Variants in LRMDA observed in about 807,000 individuals in gnomAD.
LRMDA encodes the protein leucine rich melanocyte differentiation associated.
LRMDA carries 18 observed loss-of-function variants against 29.8 expected under a neutral mutation model. The ratio of observed to expected loss-of-function variants is 0.60; its 90% confidence interval spans 0.42 to 0.90. LRMDA has a LOEUF of 0.90. LRMDA is among the 40% of genes least tolerant of loss of function. The pLI, the probability that LRMDA is intolerant of heterozygous loss-of-function variation, is 0.00. For synonymous variants in LRMDA, 125 were observed against 109.4 expected (o/e 1.14, Z -0.89); for missense variants, 273 against 273.9 (o/e 1.00, Z 0.02).
chr10:76,221,120 C>G (rs1851825748), intron 5 of LRMDA, among the ~76,000 whole-genome samples: 1 of 151,934 alleles, frequency 6.6e-6, no homozygotes, highest in Admixed American at 6.6e-5. Flanking sequence ...TGGGACGTAT[C>G]TCAAAATAAT....
chr10:76,476,141 A>G (rs928958906), intron 6 of LRMDA, among the ~76,000 whole-genome samples: 1 of 152,164 alleles, frequency 6.6e-6, no homozygotes, highest in Non-Finnish European at 1.5e-5. Context: ...AACAAAACTG[A>G]TAGACCGCTA....
intron 2 of LRMDA, among the ~76,000 whole-genome samples, chr10:75,736,521 G>A (rs544873808): frequency 3.3e-5 from 5 of 152,176 alleles, no homozygotes; most frequent in Non-Finnish European, 7.4e-5. Flanking sequence ...TGTGAATACT[G>A]TTTATTGGAG....
chr10:76,366,300 G>A (rs927212679), intron 6 of LRMDA, among the ~76,000 whole-genome samples: 19 of 151,990 alleles, frequency 1.3e-4, no homozygotes, highest in African/African-American at 4.6e-4. Context: ...ATTCTGATGG[G>A]GATTGTGTTG....
chr10:76,080,611 G>A (rs1025771848), intron 5 of LRMDA, among the ~76,000 whole-genome samples: 14 of 152,192 alleles, frequency 9.2e-5, no homozygotes, highest in African/African-American at 2.4e-4. Context: ...ACACCACAAG[G>A]CCACTGTCCA....
intron 2 of LRMDA, chr10:75,552,584 T>G: frequency 2.1e-6 from 1 of 478,318 alleles, no homozygotes; most frequent in Non-Finnish European, 4.4e-6. Flanking sequence ...CTTGGGATTT[T>G]CTGAGGTTCT....
chr10:76,241,221 A>T (rs1852272735), intron 5 of LRMDA, among the ~76,000 whole-genome samples: 1 of 152,166 alleles, frequency 6.6e-6, no homozygotes, highest in African/African-American at 2.4e-5. Flanking sequence ...GACCTTATTC[A>T]TGTAACCAAA....
intron 4 of LRMDA, among the ~76,000 whole-genome samples, chr10:76,054,909 C>G (rs1407790008): frequency 6.6e-6 from 1 of 150,744 alleles, no homozygotes; most frequent in Admixed American, 6.6e-5. Context: ...ACTAAAAATA[C>G]AAAAATAAGC....
At chr10:75,685,650 G>T (rs1368461986) in intron 2 of LRMDA, among the ~76,000 whole-genome samples, 1 of 152,150 alleles carries the variant, frequency 6.6e-6, no homozygotes, top group African/African-American at 2.4e-5. Context: ...AAGTCCAGGG[G>T]ACAAAGAGAT....
At chr10:75,578,236 A>AAAAAAAAAAAAC (rs1840535737) in intron 2 of LRMDA, among the ~76,000 whole-genome samples, 1 of 148,386 alleles carries the variant, frequency 6.7e-6, no homozygotes, top group African/African-American at 2.4e-5. Context: ...AAAAAAAAAA[A>AAAAAAAAAAAAC]AAAGCAGCAG....
At chr10:76,368,349 G>GGT (rs1271711678) in intron 6 of LRMDA, among the ~76,000 whole-genome samples, 2 of 151,944 alleles carry the variant, frequency 1.3e-5, no homozygotes, top group African/African-American at 4.8e-5. Context: ...TTTTGATTTC[G>GGT]TTTTTGACCC....
chr10:76,287,235 G>T (rs1461379458), intron 5 of LRMDA, among the ~76,000 whole-genome samples: 2 of 151,978 alleles, frequency 1.3e-5, no homozygotes, highest in South Asian at 2.1e-4. Flanking sequence ...CCCACTCTCA[G>T]CATACAGGTG....
intron 2 of LRMDA, among the ~76,000 whole-genome samples, chr10:75,997,251 A>T (rs1335868625): frequency 6.6e-6 from 1 of 152,154 alleles, no homozygotes; most frequent in Admixed American, 6.5e-5. Flanking sequence ...TTAGATTTTT[A>T]AATTTGAGAT....
chr10:76,240,159 A>T (rs1401346409), intron 5 of LRMDA, among the ~76,000 whole-genome samples: 1 of 151,292 alleles, frequency 6.6e-6, no homozygotes, highest in Non-Finnish European at 1.5e-5. Context: ...ATTATCAAGG[A>T]AATGCAAATC....
intron 6 of LRMDA, among the ~76,000 whole-genome samples, chr10:76,519,017 C>A (rs1027514515): frequency 6.6e-6 from 1 of 151,704 alleles, no homozygotes; most frequent in Non-Finnish European, 1.5e-5. Flanking sequence ...CTAGAAAAAC[C>A]CCATCTGTTG....
At chr10:75,555,265 A>C (rs1020732741) in intron 2 of LRMDA, among the ~76,000 whole-genome samples, 4 of 152,180 alleles carry the variant, frequency 2.6e-5, no homozygotes, top group Non-Finnish European at 4.4e-5. Context: ...CTTAGGGTGA[A>C]TTTCTCATTT....
chr10:75,900,605 C>A (rs1023592702), intron 2 of LRMDA, among the ~76,000 whole-genome samples: 2 of 152,056 alleles, frequency 1.3e-5, no homozygotes, highest in Non-Finnish European at 2.9e-5. Context: ...CAGTGCATTG[C>A]CCCCCAGCCC....
chr10:75,697,387 G>GGTTTTTA (rs1337752917), intron 2 of LRMDA, among the ~76,000 whole-genome samples: 4 of 151,672 alleles, frequency 2.6e-5, no homozygotes, highest in African/African-American at 9.7e-5. Context: ...ATAGGCTCCA[G>GGTTTTTA]GTTTTTAGAC....
intron 6 of LRMDA, among the ~76,000 whole-genome samples, chr10:76,463,499 T>G (rs1481697503): frequency 2.0e-5 from 3 of 152,136 alleles, no homozygotes; most frequent in South Asian, 4.1e-4. Flanking sequence ...GCAACAGGAT[T>G]CAGTGTGATG....
intron 2 of LRMDA, among the ~76,000 whole-genome samples, chr10:75,661,565 G>T (rs1841753542): frequency 6.6e-6 from 1 of 152,158 alleles, no homozygotes; most frequent in Non-Finnish European, 1.5e-5. Context: ...CTCCAAGCCT[G>T]GAGATGTGAT....
Sources: gnomAD v4.1 joint callset for allele counts (sites outside exome capture counted in the v4.1 genomes callset) on GRCh38, gnomAD v4.1.1 for gene constraint, MANE v1.5 for transcripts, NCBI Gene and HGNC (gene_info 2026-07-23, HGNC 2026-07-21) for gene names.